Variants in TNR observed in about 807,000 individuals in gnomAD.
The protein encoded by TNR is tenascin-R.
In TNR, 45 loss-of-function variants were observed where a neutral mutation model predicts 150.4. That is an observed-to-expected ratio of 0.30 (90% CI 0.24 to 0.38). The LOEUF (loss-of-function observed/expected upper bound fraction) is 0.38. Ranked by LOEUF, TNR falls within the 10% of genes least tolerant of loss-of-function variation. TNR has a pLI of 1.00. For missense variants in TNR, 1,544 were observed against 1,759.1 expected (o/e 0.88, Z 2.19); for synonymous variants, 687 against 678.4 (o/e 1.01, Z -0.20).
At chr1:175,580,548 A>G (rs1158753962) in intron 1 of TNR, among the ~76,000 whole-genome samples, 1 of 152,244 alleles carries the variant, frequency 6.6e-6, no homozygotes, top group Non-Finnish European at 1.5e-5. Context: ...CAGTCTTATT[A>G]CATTACAATC....
intron 2 of TNR, among the ~76,000 whole-genome samples, chr1:175,497,704 C>G (rs1658546217): frequency 2.6e-5 from 4 of 152,158 alleles, no homozygotes; most frequent in African/African-American, 7.2e-5. Flanking sequence ...AGGCCCTCAT[C>G]GGTACCATGA....
chr1:175,473,417 CA>C lies in TNR; in HGVS notation c.-64+54851del, dbSNP rs141689982. On this transcript the variant is annotated intron_variant, in intron 2 of 22. Coordinates refer to ENST00000367674, the MANE Select transcript of TNR (RefSeq NM_003285.3). Reference sequence around the variant, plus strand: ...TATTGCCCCCTTGATGAAGAAACACCAGGGGAGAGATGTTGTTTAGGACATG... The same window carrying C: ...TATTGCCCCCTTGATGAAGAAACACCGGGGAGAGATGTTGTTTAGGACATG... Among the ~76,000 whole-genome samples, 1,149 of 152,232 alleles carry C rather than the reference CA, an allele frequency of 7.5e-3. 9 individuals are homozygous for C. The highest frequency in any genetic ancestry group is 0.026 in the African/African-American group (1,093 of 41,520).
At chr1:175,630,009 G>A (rs367912519) in intron 1 of TNR, among the ~76,000 whole-genome samples, 5 of 152,148 alleles carry the variant, frequency 3.3e-5, no homozygotes, top group African/African-American at 1.2e-4. Flanking sequence ...TTTCTGGTGT[G>A]TCCTCTGCCC....
chr1:175,682,350 C>T (rs150040497), intron 1 of TNR, among the ~76,000 whole-genome samples: 5 of 152,240 alleles, frequency 3.3e-5, no homozygotes, highest in Admixed American at 6.5e-5. Context: ...GTGGGGGTGA[C>T]GATTCTTGTG....
At chr1:175,471,925 C>CT (rs747671673) in intron 2 of TNR, among the ~76,000 whole-genome samples, 30 of 152,012 alleles carry the variant, frequency 2.0e-4, no homozygotes, top group Non-Finnish European at 3.7e-4. Context: ...ATTTCTTAAG[C>CT]TTTTTTCTAT....
chr1:175,419,544 C>G (rs539672366), intron 2 of TNR, among the ~76,000 whole-genome samples: 1 of 152,148 alleles, frequency 6.6e-6, no homozygotes, highest in Non-Finnish European at 1.5e-5. Context: ...CTCTGTGGCA[C>G]GATCTCGGCT....
intron 2 of TNR, among the ~76,000 whole-genome samples, chr1:175,420,558 G>T (rs1417726082): frequency 6.6e-6 from 1 of 152,196 alleles, no homozygotes; most frequent in Non-Finnish European, 1.5e-5. Flanking sequence ...GCCTGTAAAA[G>T]ATTTCAACAT....
chr1:175,663,131 G>C (rs567285118), intron 1 of TNR, among the ~76,000 whole-genome samples: 2 of 152,302 alleles, frequency 1.3e-5, no homozygotes, highest in South Asian at 4.2e-4. Context: ...TTACTGTCAA[G>C]GAACCATTAG....
intron 1 of TNR, among the ~76,000 whole-genome samples, chr1:175,570,061 A>G (rs904323498): frequency 6.6e-6 from 1 of 152,200 alleles, no homozygotes; most frequent in Non-Finnish European, 1.5e-5. Flanking sequence ...GCTTTCCTTC[A>G]AGTTCTATAA....
chr1:175,360,023 A>C (rs1455587002), intron 14 of TNR, among the ~76,000 whole-genome samples: 1 of 152,220 alleles, frequency 6.6e-6, no homozygotes, highest in Non-Finnish European at 1.5e-5. Context: ...ACTAAAGAGG[A>C]TTTCAAGATA....
intron 1 of TNR, among the ~76,000 whole-genome samples, chr1:175,605,163 C>T (rs1663369314): frequency 6.6e-6 from 1 of 152,198 alleles, no homozygotes; most frequent in African/African-American, 2.4e-5. Flanking sequence ...GATGAATTGT[C>T]AATCCAATAA....
intron 2 of TNR, among the ~76,000 whole-genome samples, chr1:175,468,940 G>C (rs1657155075): frequency 6.6e-6 from 1 of 152,162 alleles, no homozygotes; most frequent in East Asian, 1.9e-4. Context: ...ACTGAAGGCA[G>C]AAGTAGCATC....
chr1:175,331,074 TTTC>T (rs1649818584), intron 20 of TNR, among the ~76,000 whole-genome samples: 1 of 101,270 alleles, frequency 9.9e-6, no homozygotes, highest in Non-Finnish European at 2.0e-5. Flanking sequence ...TCTTTCTTTC[TTTC>T]CTTCTTTCTT....
At chr1:175,428,171 G>A (rs1655100483) in intron 2 of TNR, among the ~76,000 whole-genome samples, 1 of 152,206 alleles carries the variant, frequency 6.6e-6, no homozygotes, top group Non-Finnish European at 1.5e-5. Flanking sequence ...GTAAACCAAT[G>A]CCTTGGCATC....
At chr1:175,481,714 T>C (rs1353215859) in intron 2 of TNR, among the ~76,000 whole-genome samples, 1 of 152,148 alleles carries the variant, frequency 6.6e-6, no homozygotes, top group Non-Finnish European at 1.5e-5. Flanking sequence ...CTTTTTTGTG[T>C]GCCTTTCTGA....
intron 2 of TNR, among the ~76,000 whole-genome samples, chr1:175,418,724 A>AG (rs72309414): frequency 0.012 from 1,693 of 139,622 alleles, 38 homozygotes; most frequent in African/African-American, 0.041. Flanking sequence ...GAGAGAGAGA[A>AG]AAAAAAAAAA....
rs192102588 is a variant in TNR, at chr1:175,610,750, T to C, written c.-164-82381A>G. ...CCTTTTATCCCTCGCAACCATTCTT[T>C]CTAATAAAACCTCTCCTTACTAAGT... On this transcript the variant is annotated intron_variant, in intron 1 of 22. Transcript: ENST00000367674. Among the ~76,000 whole-genome samples the C allele has an allele frequency of 1.3e-3, 193 of 152,342 alleles. 1 individual carries two copies. The highest frequency in any genetic ancestry group is 4.5e-3 in the African/African-American group (186 of 41,582).
At chr1:175,466,449 G>A (rs753471944) in intron 2 of TNR, among the ~76,000 whole-genome samples, 17 of 152,296 alleles carry the variant, frequency 1.1e-4, no homozygotes, top group East Asian at 3.9e-4. Flanking sequence ...CAGTGCTTCC[G>A]TCTTCCCAGG....
rs190151041 is a variant in TNR at position 175,482,625 on chromosome 1, C to T, written c.-64+45644G>A. ...TGAAAACAAATGTACACTGAGAAGACGCCCTAAGAAGGTGAACATCCAGCC... is the reference window on the plus strand; with the variant it reads ...TGAAAACAAATGTACACTGAGAAGATGCCCTAAGAAGGTGAACATCCAGCC... On this transcript the variant is annotated intron_variant, in intron 2 of 22. Transcript: ENST00000367674. Among the ~76,000 whole-genome samples, 344 of 152,248 alleles carry T rather than the reference C, an allele frequency of 2.3e-3. 4 individuals carry two copies. The highest frequency in any genetic ancestry group is 7.7e-3 in the African/African-American group (318 of 41,538).
Sources: allele counts gnomAD v4.1 joint callset (sites outside exome capture counted in the v4.1 genomes callset), GRCh38; gene constraint gnomAD v4.1.1; transcripts MANE v1.5; gene names NCBI Gene and HGNC (gene_info 2026-07-23, HGNC 2026-07-21).